The following GPHN variants were observed in gnomAD, a reference collection of about 807,000 sequenced individuals.
The protein encoded by GPHN is gephyrin.
GPHN carries 17 observed loss-of-function variants against 95.5 expected under a neutral mutation model. The observed-to-expected ratio is 0.18, with a 90% confidence interval of 0.12 to 0.27. The LOEUF (loss-of-function observed/expected upper bound fraction) is 0.27, where lower values mean the gene tolerates loss of function less well. Ranked by LOEUF, GPHN falls within the 10% of genes least tolerant of loss-of-function variation. The probability of loss-of-function intolerance (pLI) is 1.00; values close to 1 mark genes in which losing one functional copy is unlikely to be tolerated. For missense variants in GPHN, 660 were observed against 978.1 expected (o/e 0.67, Z 4.34); for synonymous variants, 320 against 322.5 (o/e 0.99, Z 0.08).
chr14:66,509,800 G>T (rs539136024), intron 1 of GPHN, among the ~76,000 whole-genome samples: 1 of 152,162 alleles, frequency 6.6e-6, no homozygotes, highest in South Asian at 2.1e-4. Context: ...TCGAGACGGT[G>T]CTCGAGAAGG....
At chr14:67,331,919 T>TACA in the GPHN span, among the ~76,000 whole-genome samples, 1 of 152,230 alleles carries the variant, frequency 6.6e-6, no homozygotes, top group East Asian at 1.9e-4. Context: ...TATTCAGATG[T>TACA]ACAACATTCC....
chr14:67,661,185 C>T, the GPHN span, among the ~76,000 whole-genome samples: 1 of 145,212 alleles, frequency 6.9e-6, no homozygotes, highest in African/African-American at 2.6e-5. Context: ...GTACTAGCAG[C>T]GACCAGAATT....
the GPHN span, among the ~76,000 whole-genome samples, chr14:67,702,121 T>C: frequency 6.6e-6 from 1 of 151,672 alleles, no homozygotes; most frequent in Non-Finnish European, 1.5e-5. Context: ...CCAGCTTTTT[T>C]AAAAATTTAA....
chr14:67,318,732 A>G, the GPHN span, among the ~76,000 whole-genome samples: 1 of 152,156 alleles, frequency 6.6e-6, no homozygotes, highest in African/African-American at 2.4e-5. Flanking sequence ...TGTTCTCACA[A>G]ACTCCTTGAG....
At chr14:67,571,022 C>G in the GPHN span, 1 of 152,292 alleles carries the variant, frequency 6.6e-6, no homozygotes, top group East Asian at 1.9e-4. Context: ...ATGCCTGGCC[C>G]CTACCTCCTC....
At chr14:66,638,081 G>A (rs1258435821) in intron 1 of GPHN, among the ~76,000 whole-genome samples, 11 of 151,708 alleles carry the variant, frequency 7.3e-5, no homozygotes. Context: ...ATATATTTTT[G>A]TATCATAGTG....
chr14:66,862,688 A>G (rs575325491), intron 4 of GPHN, among the ~76,000 whole-genome samples: 1 of 151,990 alleles, frequency 6.6e-6, no homozygotes, highest in Non-Finnish European at 1.5e-5. Context: ...TTCAACCTAC[A>G]TCATACATCC....
chr14:67,262,885 T>G, the GPHN span, among the ~76,000 whole-genome samples: 1 of 152,198 alleles, frequency 6.6e-6, no homozygotes. Flanking sequence ...GCAGGTAATT[T>G]TAAACCACAT....
chr14:66,935,342 T>C (rs2067056764), intron 8 of GPHN, among the ~76,000 whole-genome samples: 3 of 152,074 alleles, frequency 2.0e-5, no homozygotes, highest in Admixed American at 1.3e-4. Flanking sequence ...AAAGAACATC[T>C]ACTGATTGCC....
chr14:67,189,873 C>T, the GPHN span: 1 of 131,310 alleles, frequency 7.6e-6, no homozygotes, highest in Non-Finnish European at 1.5e-5. Context: ...CAGAGTCTCG[C>T]TTTGTCACCC....
chr14:66,847,844 A>C (rs2062400659), intron 4 of GPHN, among the ~76,000 whole-genome samples: 2 of 151,930 alleles, frequency 1.3e-5, no homozygotes, highest in African/African-American at 4.8e-5. Context: ...TAGTTTCTTA[A>C]TCTCTCTTCT....
At chr14:67,241,239 C>G in the GPHN span, 1 of 152,290 alleles carries the variant, frequency 6.6e-6, no homozygotes, top group South Asian at 2.1e-4. Context: ...CGGGGTGGGA[C>G]TCGGATCCGC....
At chr14:66,850,455 T>C (rs1315871672) in intron 4 of GPHN, among the ~76,000 whole-genome samples, 1 of 152,198 alleles carries the variant, frequency 6.6e-6, no homozygotes, top group Non-Finnish European at 1.5e-5. Context: ...GCCCATAATA[T>C]GCAAACCATT....
the GPHN span, among the ~76,000 whole-genome samples, chr14:67,273,408 T>C: frequency 2.3e-4 from 35 of 152,298 alleles, no homozygotes; most frequent in African/African-American, 7.9e-4. Context: ...TTGCTCAGAA[T>C]GATGGTTTCC....
chr14:67,561,814 G>C, the GPHN span: 1 of 666,908 alleles, frequency 1.5e-6, no homozygotes, highest in South Asian at 1.9e-5. Context: ...AGGCTGCAGT[G>C]AGCCAAAATT....
chr14:67,199,530 C>A, the GPHN span: 1 of 1,611,398 alleles, frequency 6.2e-7, no homozygotes. Flanking sequence ...GCTTCAGTTG[C>A]AGCAATTGAA....
At chr14:66,996,604 T>C (rs1446692209) in intron 9 of GPHN, among the ~76,000 whole-genome samples, 1 of 152,178 alleles carries the variant, frequency 6.6e-6, no homozygotes, top group African/African-American at 2.4e-5. Flanking sequence ...GTCTGATAGC[T>C]GAAGATTTGT....
the GPHN span, among the ~76,000 whole-genome samples, chr14:67,482,081 GCAAA>G: frequency 2.6e-5 from 4 of 152,200 alleles, no homozygotes; most frequent in African/African-American, 9.7e-5. Context: ...AAGGGCCTGG[GCAAA>G]CAGAGTCCCA....
At chr14:66,809,181 A>G (rs2060663761) in intron 3 of GPHN, among the ~76,000 whole-genome samples, 1 of 152,198 alleles carries the variant, frequency 6.6e-6, no homozygotes, top group Admixed American at 6.5e-5. Context: ...AGAGACAGAG[A>G]CAGACCACTT....
Sources: allele counts gnomAD v4.1 joint callset (sites outside exome capture counted in the v4.1 genomes callset), GRCh38; gene constraint gnomAD v4.1.1; transcripts MANE v1.5; gene names NCBI Gene and HGNC (gene_info 2026-07-23, HGNC 2026-07-21).